Variants in ROBO1 observed in about 807,000 individuals in gnomAD.
The protein encoded by ROBO1 is roundabout guidance receptor 1.
ROBO1 carries 149 observed loss-of-function variants against 195.9 expected under a neutral mutation model. That is an observed-to-expected ratio of 0.76 (90% CI 0.67 to 0.87). The LOEUF is 0.87. ROBO1 is among the 40% of genes least tolerant of loss of function. The pLI is 0.00. For missense variants in ROBO1, 1,933 were observed against 2,068.3 expected, an observed-to-expected ratio of 0.93 and a Z score of 1.27; for synonymous variants, 816 against 733.2, an observed-to-expected ratio of 1.11 and a Z score of -1.82.
At chr3:79,506,771 A>T (rs1940421947) in intron 2 of ROBO1, among the ~76,000 whole-genome samples, 1 of 152,204 alleles carries the variant, frequency 6.6e-6, no homozygotes, top group African/African-American at 2.4e-5. Flanking sequence ...AAACAAGTGG[A>T]TGAATTTGGT....
At chr3:79,275,606 G>C (rs1423316703) in intron 2 of ROBO1, among the ~76,000 whole-genome samples, 1 of 151,698 alleles carries the variant, frequency 6.6e-6, no homozygotes, top group Non-Finnish European at 1.5e-5. Flanking sequence ...CTTTTACTCA[G>C]CATAATACTA....
At chr3:78,936,126 C>T (rs1040375163) in intron 4 of ROBO1, among the ~76,000 whole-genome samples, 4 of 151,894 alleles carry the variant, frequency 2.6e-5, no homozygotes, top group Non-Finnish European at 2.9e-5. Flanking sequence ...ATTACTTCAA[C>T]TTAAATAAAT....
At chr3:79,186,547 T>C (rs2081442484) in intron 2 of ROBO1, among the ~76,000 whole-genome samples, 1 of 152,106 alleles carries the variant, frequency 6.6e-6, no homozygotes. Context: ...TGCATCTTTA[T>C]GCCCAATTTG....
rs142570761 is a variant in ROBO1 at position 79,012,893 on chromosome 3, G to C, written c.173-73966C>G. On this transcript the variant is annotated intron_variant, in intron 3 of 30. Coordinates refer to ENST00000464233, the MANE Select transcript of ROBO1 (RefSeq NM_002941.4). The stretch of plus-strand genomic sequence containing the variant: ...TCTTCAACAGCAAGATTGAAGGAAG[G>C]GGCTGAAAGTGGAGGGAGAAGGGGA... Among the ~76,000 whole-genome samples the C allele has an allele frequency of 2.7e-3, 405 of 152,210 alleles. 1 individual carries two copies. Among genetic ancestry groups the C allele is most frequent in the African/African-American group, 9.3e-3 (388 of 41,524 alleles).
intron 4 of ROBO1, among the ~76,000 whole-genome samples, chr3:78,833,702 T>C (rs1293740586): frequency 6.6e-6 from 1 of 152,074 alleles, no homozygotes; most frequent in East Asian, 1.9e-4. Context: ...TAATGTTCCA[T>C]ACATTTACCT....
At chr3:79,637,447 C>T (rs954258739) in intron 1 of ROBO1, among the ~76,000 whole-genome samples, 5 of 127,398 alleles carry the variant, frequency 3.9e-5, no homozygotes, top group Middle Eastern at 4.4e-3. Context: ...GTAAAACTCA[C>T]GTTTGATTGA....
chr3:79,763,280 AT>A (rs1396453280), intron 1 of ROBO1, among the ~76,000 whole-genome samples: 1 of 152,192 alleles, frequency 6.6e-6, no homozygotes, highest in Non-Finnish European at 1.5e-5. Flanking sequence ...CAGAAATATA[AT>A]GAAGAAATAG....
At position 78,939,013 on chromosome 3, in the gene ROBO1, A is replaced by G. The variant is rs1576432514; in HGVS notation, c.173-86T>C. On this transcript the variant is annotated intron_variant, in intron 3 of 30. Coordinates refer to ENST00000464233, the MANE Select transcript of ROBO1 (RefSeq NM_002941.4). ...TTAAAGCATTGGCTTAACCATTACTATTTAAACACTGCATAACATTGGCCT... is the reference window on the plus strand; with the variant it reads ...TTAAAGCATTGGCTTAACCATTACTGTTTAAACACTGCATAACATTGGCCT... 7 of 1,175,844 alleles carry G rather than the reference A, an allele frequency of 6.0e-6. No individual in the cohort carries two copies. In the East Asian group the frequency reaches 1.7e-4, roughly 28 times the overall value. 72.8% of individuals were successfully genotyped at this position (1,175,844 alleles called of 1,614,324 possible).
chr3:78,900,428 G>T (rs1000372611), intron 4 of ROBO1, among the ~76,000 whole-genome samples: 16 of 152,084 alleles, frequency 1.1e-4, no homozygotes, highest in African/African-American at 3.9e-4. Flanking sequence ...ACAGACCTAA[G>T]AATATAATCT....
At chr3:79,399,241 G>A (rs956181611) in intron 2 of ROBO1, among the ~76,000 whole-genome samples, 4 of 152,052 alleles carry the variant, frequency 2.6e-5, no homozygotes, top group Non-Finnish European at 5.9e-5. Flanking sequence ...TCATATCAGT[G>A]TTTAATCCAC....
At chr3:79,625,438 A>AAAAAAAAAAAAAAAAAG in intron 1 of ROBO1, among the ~76,000 whole-genome samples, 1 of 145,314 alleles carries the variant, frequency 6.9e-6, no homozygotes, top group Non-Finnish European at 1.5e-5. Flanking sequence ...AAAAAAAAAA[A>AAAAAAAAAAAAAAAAAG]AAAAAAGCAA....
At chr3:79,564,403 G>A (rs1943025016) in intron 2 of ROBO1, among the ~76,000 whole-genome samples, 2 of 151,956 alleles carry the variant, frequency 1.3e-5, no homozygotes, top group Admixed American at 1.3e-4. Context: ...GTGATCTACT[G>A]CTGTGTTGTG....
chr3:79,323,085 CT>C (rs1175827885), intron 2 of ROBO1, among the ~76,000 whole-genome samples: 262 of 142,160 alleles, frequency 1.8e-3, no homozygotes, highest in Middle Eastern at 3.6e-3. Context: ...TTCTTTCTTT[CT>C]TTTTTTTTTT....
chr3:79,152,065 C>T (rs756445575), intron 2 of ROBO1, among the ~76,000 whole-genome samples: 20 of 151,680 alleles, frequency 1.3e-4, no homozygotes, highest in Non-Finnish European at 1.9e-4. Flanking sequence ...ATATAAACTT[C>T]GTAAGAACAA....
intron 1 of ROBO1, among the ~76,000 whole-genome samples, chr3:79,682,216 T>G (rs1254725504): frequency 6.6e-6 from 1 of 152,020 alleles, no homozygotes; most frequent in Non-Finnish European, 1.5e-5. Flanking sequence ...AGAAACATAA[T>G]TCTTATACTC....
intron 3 of ROBO1, among the ~76,000 whole-genome samples, chr3:78,976,447 G>C (rs1328877053): frequency 6.6e-6 from 1 of 152,164 alleles, no homozygotes; most frequent in Non-Finnish European, 1.5e-5. Flanking sequence ...TATGAGACTG[G>C]AGATCCCTCA....
intron 3 of ROBO1, among the ~76,000 whole-genome samples, chr3:78,948,629 AC>A (rs2107755857): frequency 6.6e-6 from 1 of 152,088 alleles, no homozygotes; most frequent in African/African-American, 2.4e-5. Flanking sequence ...CTCTCTCACT[AC>A]TCCTATTCAA....
At chr3:79,728,155 T>A (rs1488241783) in intron 1 of ROBO1, among the ~76,000 whole-genome samples, 1 of 152,004 alleles carries the variant, frequency 6.6e-6, no homozygotes, top group Non-Finnish European at 1.5e-5. Context: ...CACAGGAAAT[T>A]TTTTTTAGTT....
intron 1 of ROBO1, among the ~76,000 whole-genome samples, chr3:79,603,572 A>G (rs1020319187): frequency 2.6e-5 from 4 of 151,828 alleles, no homozygotes; most frequent in African/African-American, 9.7e-5. Flanking sequence ...CATCCCCATA[A>G]CCCTAGGACG....
Sources: allele counts gnomAD v4.1 joint callset (sites outside exome capture counted in the v4.1 genomes callset), GRCh38; gene constraint gnomAD v4.1.1; transcripts MANE v1.5; gene names NCBI Gene and HGNC (gene_info 2026-07-23, HGNC 2026-07-21).